The following MAGI1 variants were observed in gnomAD, a reference collection of about 807,000 sequenced individuals.
The protein encoded by MAGI1 is membrane associated guanylate kinase, WW and PDZ domain containing 1, also known as membrane-associated guanylate kinase, WW and PDZ domain-containing protein 1.
Under a neutral mutation model 139.9 loss-of-function variants are expected in MAGI1, and 58 were observed. The ratio of observed to expected loss-of-function variants is 0.41; its 90% CI spans 0.34 to 0.52. The LOEUF (loss-of-function observed/expected upper bound fraction) is 0.52, where lower values mean the gene tolerates loss of function less well. MAGI1 is among the 20% of genes least tolerant of loss of function. MAGI1 has a pLI of 0.12. For missense variants in MAGI1, 1,874 were observed against 1,901.6 expected, an observed-to-expected ratio of 0.99 and a Z score of 0.27; for synonymous variants, 812 against 737.9, an observed-to-expected ratio of 1.10 and a Z score of -1.63.
At chr3:65,673,078 G>A (rs568584987) in intron 1 of MAGI1, among the ~76,000 whole-genome samples, 1 of 152,240 alleles carries the variant, frequency 6.6e-6, no homozygotes, top group East Asian at 1.9e-4. Context: ...TCTGTCGGTG[G>A]TACACAGAGC....
chr3:65,872,042 C>A (rs966406640), intron 1 of MAGI1, among the ~76,000 whole-genome samples: 3 of 152,146 alleles, frequency 2.0e-5, no homozygotes, highest in African/African-American at 7.2e-5. Flanking sequence ...AGTTGTGTAA[C>A]CTGGGGACTG....
chr3:65,627,544 G>T (rs2084043411), intron 1 of MAGI1, among the ~76,000 whole-genome samples: 1 of 105,670 alleles, frequency 9.5e-6, no homozygotes, highest in African/African-American at 3.7e-5. Flanking sequence ...GTCTTGCTCT[G>T]TCCTCCAGGC....
At chr3:65,625,932 T>G (rs1176400754) in intron 1 of MAGI1, among the ~76,000 whole-genome samples, 1 of 152,182 alleles carries the variant, frequency 6.6e-6, no homozygotes, top group Non-Finnish European at 1.5e-5. Context: ...GGCATTGTGC[T>G]GGGGCTGAAG....
chr3:65,428,148 G>A (rs1381451516), intron 12 of MAGI1, among the ~76,000 whole-genome samples: 1 of 152,128 alleles, frequency 6.6e-6, no homozygotes, highest in Non-Finnish European at 1.5e-5. Context: ...ATGAGAATCT[G>A]GCTGCTGTGA....
chr3:65,815,769 C>T (rs570324278), intron 1 of MAGI1, among the ~76,000 whole-genome samples: 3 of 152,032 alleles, frequency 2.0e-5, no homozygotes, highest in Non-Finnish European at 4.4e-5. Flanking sequence ...TATACCTTAT[C>T]TTAATTAATC....
chr3:65,371,508 C>A (rs941283502), intron 18 of MAGI1, among the ~76,000 whole-genome samples: 2 of 152,156 alleles, frequency 1.3e-5, no homozygotes, highest in East Asian at 1.9e-4. Context: ...TTGATGCCTG[C>A]TGACTGATCA....
chr3:65,819,256 G>A (rs2041796589), intron 1 of MAGI1, among the ~76,000 whole-genome samples: 1 of 152,056 alleles, frequency 6.6e-6, no homozygotes, highest in African/African-American at 2.4e-5. Flanking sequence ...TGCACAGCCT[G>A]GGCAAAAAGA....
chr3:65,671,981 C>T (rs908544189), intron 1 of MAGI1, among the ~76,000 whole-genome samples: 2 of 152,104 alleles, frequency 1.3e-5, no homozygotes, highest in Non-Finnish European at 2.9e-5. Context: ...ATTATCACTA[C>T]AAAAAGGTTA....
chr3:65,604,278 T>TGATA (rs1327358539), intron 2 of MAGI1, among the ~76,000 whole-genome samples: 1 of 152,122 alleles, frequency 6.6e-6, no homozygotes, highest in Non-Finnish European at 1.5e-5. Flanking sequence ...ACTCTTCCAA[T>TGATA]GATAACATTT....
chr3:65,871,914 C>T (rs264696), intron 1 of MAGI1, among the ~76,000 whole-genome samples: 6,845 of 152,212 alleles, frequency 0.045, 498 homozygotes, highest in African/African-American at 0.16. Flanking sequence ...CTGCCTGGGT[C>T]GGTAACAGTT....
At chr3:65,496,313 A>T (rs1240467847) in intron 2 of MAGI1, among the ~76,000 whole-genome samples, 1 of 151,772 alleles carries the variant, frequency 6.6e-6, no homozygotes, top group East Asian at 2.0e-4. Context: ...AATTACTTGG[A>T]TTACAGGCAT....
chr3:65,465,888 C>G (rs1402535157), intron 5 of MAGI1, among the ~76,000 whole-genome samples: 2 of 152,128 alleles, frequency 1.3e-5, no homozygotes, highest in Non-Finnish European at 2.9e-5. Flanking sequence ...CCAAATGCCC[C>G]TGAAGCTCTG....
At chr3:65,789,732 A>G (rs1011423064) in intron 1 of MAGI1, among the ~76,000 whole-genome samples, 37 of 152,190 alleles carry the variant, frequency 2.4e-4, no homozygotes, top group African/African-American at 7.7e-4. Context: ...GGCTGCAATT[A>G]GGGACCTAAA....
intron 2 of MAGI1, among the ~76,000 whole-genome samples, chr3:65,537,375 C>T (rs1184198267): frequency 6.6e-6 from 1 of 152,190 alleles, no homozygotes; most frequent in Non-Finnish European, 1.5e-5. Flanking sequence ...CCCTTTCACT[C>T]CTTTCTCTGT....
chr3:65,576,092 A>G (rs1576367184), intron 2 of MAGI1, among the ~76,000 whole-genome samples: 2 of 152,330 alleles, frequency 1.3e-5, no homozygotes. Flanking sequence ...ATGTTTTTAG[A>G]GTCATTAGAT....
intron 1 of MAGI1, among the ~76,000 whole-genome samples, chr3:66,027,212 G>A (rs367631223): frequency 8.6e-5 from 13 of 151,576 alleles, no homozygotes; most frequent in East Asian, 5.8e-4. Flanking sequence ...AGCTTGCAGC[G>A]AGCCAAGATC....
At chr3:65,711,141 C>T (rs557901227) in intron 1 of MAGI1, among the ~76,000 whole-genome samples, 185 of 152,278 alleles carry the variant, frequency 1.2e-3, no homozygotes, top group African/African-American at 4.3e-3. Flanking sequence ...GTTCTAGGTA[C>T]AGTGTTAGAT....
chr3:65,620,666 T>C (rs961054056), intron 2 of MAGI1, among the ~76,000 whole-genome samples: 8 of 152,212 alleles, frequency 5.3e-5, no homozygotes, highest in African/African-American at 1.7e-4. Context: ...ACTTCAATGC[T>C]AAAAGACTAA....
At chr3:65,862,928 G>A (rs1483316542) in intron 1 of MAGI1, among the ~76,000 whole-genome samples, 2 of 152,102 alleles carry the variant, frequency 1.3e-5, no homozygotes, top group African/African-American at 4.8e-5. Context: ...TAAACATTTG[G>A]TATGTTCCCA....
Sources: gnomAD v4.1 joint callset for allele counts (sites outside exome capture counted in the v4.1 genomes callset) on GRCh38, gnomAD v4.1.1 for gene constraint, MANE v1.5 for transcripts, NCBI Gene and HGNC (gene_info 2026-07-23, HGNC 2026-07-21) for gene names.